SLC9A7: variants seen among roughly 807,000 people sequenced by gnomAD.
SLC9A7 encodes the protein sodium/hydrogen exchanger 7.
A neutral mutation model predicts 52.6 loss-of-function variants in SLC9A7; 19 were observed. That is an observed-to-expected ratio of 0.36 (90% CI 0.25 to 0.53). SLC9A7 has a LOEUF of 0.53. SLC9A7 is among the 20% of genes least tolerant of loss of function. The pLI, the probability that SLC9A7 is intolerant of heterozygous loss-of-function variation, is 0.91. For synonymous variants in SLC9A7, 226 were observed against 252.1 expected, an observed-to-expected ratio of 0.90 and a Z score of 0.98; for missense variants, 455 against 597.9, an observed-to-expected ratio of 0.76 and a Z score of 2.49.
intron 1 of SLC9A7, among the ~76,000 whole-genome samples, chrX:46,721,928 C>G (rs767465332): frequency 7.4e-4 from 83 of 112,557 alleles, no homozygotes; most frequent in Non-Finnish European, 1.4e-3. Flanking sequence ...CTTCCCACAT[C>G]TGCAATCAAC....
chrX:46,641,562 A>C lies in SLC9A7; in HGVS notation c.1616+1674T>G, dbSNP rs374667474. ...TGCCCTAATTCTGCTACATAGAACA[A>C]AGATGGTACCATCTTATGTCTTAAG... On this transcript the variant is annotated intron_variant, in intron 12 of 16. Coordinates refer to ENST00000616978, the MANE Select transcript of SLC9A7 (RefSeq NM_001257291.2). 7.1e-5 allele frequency among the ~76,000 whole-genome samples: 8 copies of C among 112,030 alleles called. No homozygotes were observed. The East Asian group carries it at 2.2e-3, about 31-fold the overall frequency.
At chrX:46,678,412 T>TTTTATTTATTTATTTATTTATTTATTTA (rs368646149) in intron 3 of SLC9A7, among the ~76,000 whole-genome samples, 1 of 91,013 alleles carries the variant, frequency 1.1e-5, no homozygotes, top group Non-Finnish European at 2.1e-5. Flanking sequence ...TGGCATTTGT[T>TTTTATTTATTTATTTATTTATTTATTTA]TTTATTTATT....
At chrX:46,666,776 C>T (rs1476890957) in intron 5 of SLC9A7, among the ~76,000 whole-genome samples, 1 of 112,470 alleles carries the variant, frequency 8.9e-6, no homozygotes, top group Non-Finnish European at 1.9e-5. Context: ...TATCAATAAT[C>T]TTTATGTTAA....
rs1369731693 is a variant in SLC9A7 at position 46,602,355 on chromosome X, T to C, written c.*4597A>G. The C allele has an allele frequency of 8.9e-6, 1 of 111,980 alleles. No individual in the cohort carries two copies. The highest frequency in any genetic ancestry group is 3.2e-5 in the African/African-American group (1 of 30,778). The allele number at this position is 111,980 out of a possible 1,213,427, so 9.2% of individuals were successfully genotyped here. ...TCAGTTCGTTTCACATGACTAACAA[T>C]TTAAAAAAACACCTTCATCTGCTGG... On this transcript the variant is annotated 3_prime_UTR_variant, in exon 17 of 17. Coordinates refer to ENST00000616978, the MANE Select transcript of SLC9A7 (RefSeq NM_001257291.2).
At chrX:46,628,426 T>C (rs1028635343) in intron 14 of SLC9A7, among the ~76,000 whole-genome samples, 1 of 112,267 alleles carries the variant, frequency 8.9e-6, no homozygotes, top group Non-Finnish European at 1.9e-5. Context: ...TGTTTTGTTC[T>C]AATGAGTCAA....
At chrX:46,758,381 C>G (rs1922833408) in intron 1 of SLC9A7, among the ~76,000 whole-genome samples, 1 of 112,044 alleles carries the variant, frequency 8.9e-6, no homozygotes, top group African/African-American at 3.2e-5. Flanking sequence ...CACACACACC[C>G]TATCGAGCTC....
intron 1 of SLC9A7, among the ~76,000 whole-genome samples, chrX:46,688,982 A>C (rs1208702639): frequency 9.1e-6 from 1 of 109,739 alleles, no homozygotes; most frequent in East Asian, 2.8e-4. Context: ...GTTGTCTTAA[A>C]ATTTTTTTTT....
chrX:46,606,138 G>A lies in SLC9A7; in HGVS notation c.*814C>T. 2 of 501,517 alleles carry A rather than the reference G, an allele frequency of 4.0e-6. No individual in the cohort carries two copies. Among genetic ancestry groups the A allele is most frequent in the Non-Finnish European group, 4.9e-6 (2 of 409,283 alleles). 41.3% of individuals were successfully genotyped at this position (501,517 alleles called of 1,213,427 possible). A position where few individuals can be genotyped will look rare whatever the true frequency, so the allele number is the denominator to read the frequency against. On this transcript the variant is annotated 3_prime_UTR_variant, in exon 17 of 17. Transcript: ENST00000616978. The stretch of plus-strand genomic sequence containing the variant: ...CCACTGCACTCCAGCCTGGGTGACA[G>A]AGTGAAACACCATCTCAACAAAAAA...
chrX:46,627,717 G>A (rs908461750), intron 14 of SLC9A7, among the ~76,000 whole-genome samples: 1 of 91,904 alleles, frequency 1.1e-5, no homozygotes, highest in African/African-American at 4.2e-5. Context: ...AGAAAAGGAA[G>A]AGCAGAAAGG....
At chrX:46,649,344 GT>G (rs1424083059) in intron 10 of SLC9A7, among the ~76,000 whole-genome samples, 1 of 112,323 alleles carries the variant, frequency 8.9e-6, no homozygotes, top group East Asian at 2.8e-4. Context: ...CAAATAAGAG[GT>G]GGGGAAACTT....
chrX:46,727,290 C>T (rs755003436), intron 1 of SLC9A7, among the ~76,000 whole-genome samples: 26 of 112,246 alleles, frequency 2.3e-4, no homozygotes, highest in African/African-American at 6.1e-4. Context: ...AGTGTCAACT[C>T]GGGGGCAGAA....
intron 2 of SLC9A7, 60 bp downstream of exon 2, chrX:46,682,276 G>T: frequency 9.3e-7 from 1 of 1,072,698 alleles, no homozygotes; most frequent in Non-Finnish European, 1.3e-6. Context: ...ACAAGGTCAA[G>T]ACAAGTCAGG....
intron 1 of SLC9A7, among the ~76,000 whole-genome samples, chrX:46,709,696 C>T (rs1443549937): frequency 3.6e-5 from 4 of 112,135 alleles, no homozygotes; most frequent in Non-Finnish European, 5.6e-5. Flanking sequence ...AATTGCTATC[C>T]TCTGAGAGTT....
intron 7 of SLC9A7, among the ~76,000 whole-genome samples, chrX:46,656,332 A>G (rs1237187589): frequency 8.0e-5 from 9 of 112,389 alleles, no homozygotes; most frequent in Non-Finnish European, 1.5e-4. Context: ...CCTCCAAAGG[A>G]ACGCAGCTCC....
chrX:46,712,975 C>CT (rs1283380381), intron 1 of SLC9A7, among the ~76,000 whole-genome samples: 2 of 112,145 alleles, frequency 1.8e-5, no homozygotes, highest in Non-Finnish European at 3.8e-5. Context: ...TCCTCCTAGA[C>CT]TTTTTGTTAT....
intron 1 of SLC9A7, among the ~76,000 whole-genome samples, chrX:46,691,139 TA>T (rs1282092412): frequency 9.2e-6 from 1 of 109,079 alleles, no homozygotes; most frequent in Non-Finnish European, 1.9e-5. Context: ...AGAGACTAAA[TA>T]GTTATTTTTG....
intron 1 of SLC9A7, among the ~76,000 whole-genome samples, chrX:46,716,241 T>C (rs1335083386): frequency 9.0e-6 from 1 of 111,356 alleles, no homozygotes; most frequent in Non-Finnish European, 1.9e-5. Flanking sequence ...GGATAAGTGG[T>C]AAGGTGAGAA....
chrX:46,724,725 TATA>T (rs1284277765), intron 1 of SLC9A7, among the ~76,000 whole-genome samples: 1 of 111,535 alleles, frequency 9.0e-6, no homozygotes, highest in African/African-American at 3.3e-5. Flanking sequence ...TTAACCAACC[TATA>T]ATACCACAAT....
At chrX:46,618,458 A>C (rs1201971394) in intron 15 of SLC9A7, among the ~76,000 whole-genome samples, 1 of 111,081 alleles carries the variant, frequency 9.0e-6, no homozygotes, top group African/African-American at 3.3e-5. Flanking sequence ...TAGAGAAAAA[A>C]TTGCCCATGC....
Sources: gnomAD v4.1 joint callset for allele counts (sites outside exome capture counted in the v4.1 genomes callset) on GRCh38, gnomAD v4.1.1 for gene constraint, MANE v1.5 for transcripts, NCBI Gene and HGNC (gene_info 2026-07-23, HGNC 2026-07-21) for gene names.